Variants in PRKN observed in about 807,000 individuals in gnomAD.
PRKN encodes E3 ubiquitin-protein ligase parkin.
A neutral mutation model predicts 59.5 loss-of-function variants in PRKN; 56 were observed. That is an observed-to-expected ratio of 0.94 (90% confidence interval 0.76 to 1.18). The LOEUF (loss-of-function observed/expected upper bound fraction) is 1.18. Among genes scored for constraint, PRKN ranks in the 50% most tolerant of loss-of-function variants. PRKN has a pLI of 0.00. For synonymous variants in PRKN, 250 were observed against 222.1 expected (o/e 1.13, Z -1.12); for missense variants, 657 against 596.4 (o/e 1.10, Z -1.06).
chr6:162,404,140 G>A (rs1425767897), intron 2 of PRKN, among the ~76,000 whole-genome samples: 7 of 152,032 alleles, frequency 4.6e-5, no homozygotes, highest in Non-Finnish European at 7.4e-5. Context: ...GGGAGGCTGA[G>A]GCAGGCGGAT....
At position 161,466,129 on chromosome 6, in the gene PRKN, T is replaced by G. The variant is rs186466379; in HGVS notation, c.1084-79252A>C. Among the ~76,000 whole-genome samples, 8 of 152,278 alleles carry G rather than the reference T, an allele frequency of 5.3e-5. No homozygotes were observed. The highest frequency in any genetic ancestry group is 1.9e-4 in the African/African-American group (8 of 41,560). On this transcript the variant is annotated intron_variant, in intron 9 of 11. Transcript: ENST00000366898. The surrounding 1 kb of genome is among the most constrained non-coding windows in gnomAD (Gnocchi z 5.0). The stretch of plus-strand genomic sequence containing the variant: ...AGACCTAGTCTTAGCACATTTCAAG[T>G]ACACAATACAACATTATTAACTCTA...
At position 161,356,423 on chromosome 6, in the gene PRKN, C is replaced by T. The variant is rs1784753870; in HGVS notation, c.1285+3665G>A. Among the ~76,000 whole-genome samples, 1 of 152,108 alleles carries T rather than the reference C, an allele frequency of 6.6e-6. No individual in the cohort carries two copies. The highest frequency in any genetic ancestry group is 2.4e-5 in the African/African-American group (1 of 41,400). On this transcript the variant is annotated intron_variant, in intron 11 of 11. Transcript: ENST00000366898. The surrounding 1 kb of genome is among the most constrained non-coding windows in gnomAD (Gnocchi z 7.8). ...TGTGGTTGCAATGTCAGTGGGGACC[C>T]CCGGGGGGAAGGGCAGGACTGACAT...
chr6:161,880,195 A>G (rs1238015459), intron 6 of PRKN, among the ~76,000 whole-genome samples: 1 of 152,200 alleles, frequency 6.6e-6, no homozygotes, highest in East Asian at 1.9e-4. Context: ...AATATTTTAT[A>G]TTTTCAGAGC....
chr6:162,658,049 C>T (rs1165068653), intron 1 of PRKN, among the ~76,000 whole-genome samples: 1 of 152,184 alleles, frequency 6.6e-6, no homozygotes, highest in Non-Finnish European at 1.5e-5. Flanking sequence ...AACCAGATTG[C>T]CAACTCTTGT....
At chr6:161,689,160 T>C (rs980095431) in intron 7 of PRKN, among the ~76,000 whole-genome samples, 2 of 150,872 alleles carry the variant, frequency 1.3e-5, no homozygotes, top group African/African-American at 4.9e-5. Context: ...TGTTGTTTGC[T>C]TGCATCAAAG....
intron 9 of PRKN, among the ~76,000 whole-genome samples, chr6:161,516,075 T>C (rs17649761): frequency 0.15 from 22,761 of 152,152 alleles, 1,835 homozygotes; most frequent in African/African-American, 0.2. Context: ...GCTAATACAA[T>C]GCCCAACTCC....
At chr6:161,881,279 G>A (rs80156709) in intron 6 of PRKN, among the ~76,000 whole-genome samples, 320 of 152,308 alleles carry the variant, frequency 2.1e-3, no homozygotes, top group Non-Finnish European at 3.1e-3. Context: ...AATCCAATCC[G>A]GGTTTGCCAG....
intron 7 of PRKN, among the ~76,000 whole-genome samples, chr6:161,589,644 C>T (rs1264349803): frequency 1.3e-5 from 2 of 151,944 alleles, no homozygotes; most frequent in African/African-American, 4.8e-5. Context: ...GATTTTGCTT[C>T]TTTCATGGAA....
At chr6:162,170,156 C>G (rs1374611295) in intron 4 of PRKN, among the ~76,000 whole-genome samples, 1 of 152,154 alleles carries the variant, frequency 6.6e-6, no homozygotes, top group East Asian at 1.9e-4. Flanking sequence ...ACCTTTCTTA[C>G]TCTCTGTCTC....
At chr6:162,063,862 G>A (rs111405964) in intron 4 of PRKN, among the ~76,000 whole-genome samples, 49 of 152,238 alleles carry the variant, frequency 3.2e-4, no homozygotes, top group African/African-American at 8.4e-4. Flanking sequence ...TTCTTATTAC[G>A]TTAAACATAT....
chr6:161,464,111 T>C (rs1790335751), intron 9 of PRKN, among the ~76,000 whole-genome samples: 12 of 152,166 alleles, frequency 7.9e-5, no homozygotes, highest in Admixed American at 7.9e-4. Context: ...GCCTCCTGGG[T>C]TCAAGAGATT....
intron 2 of PRKN, among the ~76,000 whole-genome samples, chr6:162,313,117 A>G (rs1446696409): frequency 6.6e-6 from 1 of 152,178 alleles, no homozygotes; most frequent in Non-Finnish European, 1.5e-5. Flanking sequence ...GTGGTAAAGT[A>G]CACATTTCAT....
chr6:162,562,360 C>T lies in PRKN; in HGVS notation c.8-118887G>A, dbSNP rs368009253. Among the ~76,000 whole-genome samples, 14 of 152,218 alleles carry T rather than the reference C, an allele frequency of 9.2e-5. No homozygotes were observed. In the East Asian group the frequency reaches 1.6e-3, roughly 17 times the overall value. On this transcript the variant is annotated intron_variant, in intron 1 of 11. Coordinates refer to ENST00000366898, the MANE Select transcript of PRKN (RefSeq NM_004562.3). ...GACATGCTGGCTTCAGGTACCAGCACAGCTACTGGGGTCCAAAATGCCAAG... is the reference window on the plus strand; with the variant it reads ...GACATGCTGGCTTCAGGTACCAGCATAGCTACTGGGGTCCAAAATGCCAAG...
intron 1 of PRKN, among the ~76,000 whole-genome samples, chr6:162,579,505 TCA>T (rs764195247): frequency 4.9e-4 from 73 of 149,378 alleles, no homozygotes; most frequent in African/African-American, 5.9e-4. Flanking sequence ...CACACAAAGT[TCA>T]CACACACAGA....
intron 7 of PRKN, among the ~76,000 whole-genome samples, chr6:161,764,040 T>C (rs552094583): frequency 6.6e-6 from 1 of 152,146 alleles, no homozygotes; most frequent in East Asian, 1.9e-4. Context: ...TCCTCCAGGG[T>C]GGGCTTGCTG....
At chr6:162,252,921 T>G (rs1779493975) in intron 3 of PRKN, among the ~76,000 whole-genome samples, 1 of 152,190 alleles carries the variant, frequency 6.6e-6, no homozygotes, top group Admixed American at 6.5e-5. Flanking sequence ...TTAACACATA[T>G]TATTAAGTTA....
At chr6:162,586,271 CATT>C (rs1047318685) in intron 1 of PRKN, among the ~76,000 whole-genome samples, 1 of 152,122 alleles carries the variant, frequency 6.6e-6, no homozygotes, top group Admixed American at 6.5e-5. Context: ...CGTGATAAAG[CATT>C]ATAAGTATCT....
rs79158334 is a variant in PRKN, at chr6:162,285,641, T to C, written c.172-22876A>G. ...TACTAAATATCTTACATATTATTTG[T>C]AATCATCAAACCACACTGATAAATA... On this transcript the variant is annotated intron_variant, in intron 2 of 11. Coordinates refer to ENST00000366898, the MANE Select transcript of PRKN (RefSeq NM_004562.3). Among the ~76,000 whole-genome samples, 1,077 of 152,310 alleles carry C rather than the reference T, an allele frequency of 7.1e-3. 10 individuals carry two copies. Among genetic ancestry groups the C allele is most frequent in the African/African-American group, 0.025 (1,036 of 41,566 alleles).
Position 161,762,470 on chromosome 6 carries a change from T to A in PRKN, c.871+23302A>T, listed in dbSNP as rs535424059. 8.5e-5 allele frequency among the ~76,000 whole-genome samples: 13 copies of A among 152,330 alleles called. No individual in the cohort carries two copies. In the East Asian group the frequency reaches 9.6e-4, roughly 11 times the overall value. ...TACTTTCAAGCTATTAATGAACAAA[T>A]TAAAGACTACTTGATGTCAGGCTGT... On this transcript the variant is annotated intron_variant, in intron 7 of 11. Coordinates refer to ENST00000366898, the MANE Select transcript of PRKN (RefSeq NM_004562.3).
Sources: allele counts gnomAD v4.1 joint callset (sites outside exome capture counted in the v4.1 genomes callset), GRCh38; gene constraint gnomAD v4.1.1; non-coding constraint Gnocchi (gnomAD v3.1); transcripts MANE v1.5; gene names NCBI Gene and HGNC (gene_info 2026-07-23, HGNC 2026-07-21).